Variants in DNAH7 observed in about 807,000 individuals in gnomAD.
DNAH7 encodes dynein axonemal heavy chain 7.
Under a neutral mutation model 444.6 loss-of-function variants are expected in DNAH7, and 397 were observed. The ratio of observed to expected loss-of-function variants is 0.89; its 90% CI spans 0.82 to 0.97. DNAH7 has a LOEUF of 0.97. Among genes scored for constraint, DNAH7 ranks in the 50% least tolerant of loss-of-function variants. The probability of loss-of-function intolerance (pLI) is 0.00; values close to 1 mark genes in which losing one functional copy is unlikely to be tolerated. For synonymous variants in DNAH7, 1,636 were observed against 1,624.4 expected (o/e 1.01, Z -0.17); for missense variants, 4,902 against 4,800.8 (o/e 1.02, Z -0.62).
chr2:195,969,865 C>T, intron 17 of DNAH7, 83 bp downstream of exon 17: 1 of 1,357,730 alleles, frequency 7.4e-7, no homozygotes, highest in Non-Finnish European at 1.0e-6. Context: ...TTTGAATCTA[C>T]TTCTTAAAGG....
At chr2:196,068,399 C>CAA (rs1698547074) in intron 1 of DNAH7, 1 of 448,810 alleles carries the variant, frequency 2.2e-6, no homozygotes, top group African/African-American at 2.0e-5. Context: ...GCCTCTCACC[C>CAA]AAGCACACCG....
Position 195,922,140 on chromosome 2 carries a change from GA to G in DNAH7, c.3882del (p.Leu1295TrpfsTer51), listed in dbSNP as rs758914435. On this transcript the variant is annotated frameshift_variant, in exon 24 of 65. Coordinates refer to ENST00000312428, the MANE Select transcript of DNAH7 (RefSeq NM_018897.3). LOFTEE classifies it high-confidence loss of function. ...ATAACCAGCCTAGGGGAATTACCCAGATATTCATATCCATATCGCAAACCAG... is the reference window on the plus strand; with the variant it reads ...ATAACCAGCCTAGGGGAATTACCCAGTATTCATATCCATATCGCAAACCAG... ...INAGLRYGYEYLGNSPRLVIT... is the reference protein window; with the variant it reads ...INAGLRYGYEXLGNSPRLVIT... The G allele has an allele frequency of 5.3e-5, 85 of 1,613,282 alleles. No homozygotes were observed. The highest frequency in any genetic ancestry group is 7.2e-5 in the Non-Finnish European group (85 of 1,179,402).
chr2:196,022,135 A>C (rs1432452407), intron 8 of DNAH7, among the ~76,000 whole-genome samples: 4 of 152,212 alleles, frequency 2.6e-5, no homozygotes, highest in Non-Finnish European at 4.4e-5. Flanking sequence ...TCGGGAAAAA[A>C]AAATGTATAC....
At chr2:195,785,023 T>C (rs923904701) in intron 58 of DNAH7, among the ~76,000 whole-genome samples, 1 of 151,928 alleles carries the variant, frequency 6.6e-6, no homozygotes, top group Admixed American at 6.6e-5. Flanking sequence ...GCCATTCTCC[T>C]GCCTCAGCCT....
At chr2:196,051,023 T>A (rs563725807) in intron 3 of DNAH7, among the ~76,000 whole-genome samples, 164 bp downstream of exon 3, 39 of 152,376 alleles carry the variant, frequency 2.6e-4, no homozygotes, top group African/African-American at 9.1e-4. Context: ...TTATGGTTAC[T>A]TTACTAAGAT....
intron 17 of DNAH7, among the ~76,000 whole-genome samples, chr2:195,969,592 A>G (rs1203563328): frequency 6.6e-6 from 1 of 152,198 alleles, no homozygotes; most frequent in African/African-American, 2.4e-5. Context: ...TGGAAGAACT[A>G]AACCGTAACC....
chr2:195,875,418 T>TCAGAAGGTGGGAGAAAAAAGTTC (rs1559172458), intron 38 of DNAH7, among the ~76,000 whole-genome samples: 1 of 146,564 alleles, frequency 6.8e-6, no homozygotes, highest in Admixed American at 6.6e-5. Context: ...GAAAAAAGTT[T>TCAGAAGGTGGGAGAAAAAAGTTC]CAGAAGGTGG....
chr2:195,850,493 C>T (rs1460301503), intron 46 of DNAH7, among the ~76,000 whole-genome samples: 1 of 152,140 alleles, frequency 6.6e-6, no homozygotes, highest in African/African-American at 2.4e-5. Context: ...TGGAAAATGG[C>T]ACAGGCATTG....
intron 29 of DNAH7, among the ~76,000 whole-genome samples, chr2:195,896,095 T>C (rs1702290467): frequency 6.6e-6 from 1 of 152,204 alleles, no homozygotes; most frequent in African/African-American, 2.4e-5. Context: ...AACCTGAATA[T>C]GGTGGATAGG....
rs768444455 is a variant in DNAH7, at chr2:195,895,196, AC to A, written c.4675del (p.Val1559Ter). ...EGITSDLFPG[V>X]KLPKPDYNDL... ...ATTGTAATCTGGTTTTGGTAATTTT[AC>A]CCCAGGAAACAAATCCGAAGTAATT... On this transcript the variant is annotated frameshift_variant, in exon 30 of 65. Transcript: ENST00000312428. LOFTEE classifies it high-confidence loss of function. 1.2e-6 allele frequency: 2 copies of A among 1,609,312 alleles called. No homozygotes were observed. The highest frequency in any genetic ancestry group is 2.2e-5 in the South Asian group (2 of 90,336).
At chr2:195,949,962 A>G (rs921299494) in intron 19 of DNAH7, among the ~76,000 whole-genome samples, 1 of 152,190 alleles carries the variant, frequency 6.6e-6, no homozygotes, top group African/African-American at 2.4e-5. Context: ...TGACTTGATC[A>G]TGCTGGATAA....
intron 44 of DNAH7, among the ~76,000 whole-genome samples, chr2:195,857,058 CTTT>C (rs926195831): frequency 2.6e-5 from 4 of 151,740 alleles, no homozygotes; most frequent in African/African-American, 9.7e-5. Flanking sequence ...ATTTTTATTG[CTTT>C]TTAAGATGAA....
chr2:195,935,373 A>G (rs1688980047), intron 20 of DNAH7, among the ~76,000 whole-genome samples: 2 of 152,208 alleles, frequency 1.3e-5, no homozygotes, highest in African/African-American at 4.8e-5. Context: ...ATGGACAAAA[A>G]GAAGCAAAGT....
At chr2:196,017,863 A>T (rs932359682) in intron 9 of DNAH7, among the ~76,000 whole-genome samples, 2 of 152,170 alleles carry the variant, frequency 1.3e-5, no homozygotes, top group African/African-American at 2.4e-5. Flanking sequence ...AGCCAGGAAG[A>T]TCTCACATAC....
intron 10 of DNAH7, among the ~76,000 whole-genome samples, chr2:196,005,063 G>A (rs1372984662): frequency 3.3e-5 from 5 of 151,042 alleles, no homozygotes; most frequent in Non-Finnish European, 7.4e-5. Context: ...AAGGTCAGGA[G>A]ATCAAGACCA....
At chr2:196,059,083 C>T (rs1697992236) in intron 1 of DNAH7, among the ~76,000 whole-genome samples, 1 of 152,170 alleles carries the variant, frequency 6.6e-6, no homozygotes, top group African/African-American at 2.4e-5. Flanking sequence ...GAGAATTGGG[C>T]ATATCTTCTG....
intron 10 of DNAH7, among the ~76,000 whole-genome samples, chr2:196,011,339 A>G (rs975079114): frequency 6.6e-6 from 1 of 152,176 alleles, no homozygotes; most frequent in East Asian, 1.9e-4. Context: ...TAAAGCTCAG[A>G]AGACAAAATC....
At chr2:196,016,383 T>C (rs1006812247) in intron 9 of DNAH7, among the ~76,000 whole-genome samples, 2 of 152,142 alleles carry the variant, frequency 1.3e-5, no homozygotes, top group African/African-American at 4.8e-5. Flanking sequence ...TGAGAAGAGG[T>C]ATTTTAACTC....
At chr2:196,058,848 A>T (rs1697975160) in intron 1 of DNAH7, among the ~76,000 whole-genome samples, 1 of 152,212 alleles carries the variant, frequency 6.6e-6, no homozygotes. Context: ...TAAAATTAAC[A>T]TGGAAATGTA....
Sources: gnomAD v4.1 joint callset for allele counts (sites outside exome capture counted in the v4.1 genomes callset) on GRCh38, gnomAD v4.1.1 for gene constraint, MANE v1.5 for transcripts, NCBI Gene and HGNC (gene_info 2026-07-23, HGNC 2026-07-21) for gene names.